WDPCP: variants seen among roughly 807,000 people sequenced by gnomAD.
WDPCP encodes WD repeat containing planar cell polarity effector.
A neutral mutation model predicts 93.1 loss-of-function variants in WDPCP; 71 were observed. The observed-to-expected ratio is 0.76, with a 90% confidence interval of 0.63 to 0.93. The LOEUF (loss-of-function observed/expected upper bound fraction) is 0.93. WDPCP is among the 40% of genes least tolerant of loss of function. The pLI is 0.00. For synonymous variants in WDPCP, 315 were observed against 315.0 expected, an observed-to-expected ratio of 1.00 and a Z score of 0.00; for missense variants, 844 against 887.4, an observed-to-expected ratio of 0.95 and a Z score of 0.62.
intron 2 of WDPCP, among the ~76,000 whole-genome samples, chr2:63,798,454 T>C (rs576330173): frequency 6.6e-6 from 1 of 152,234 alleles, no homozygotes; most frequent in African/African-American, 2.4e-5. Flanking sequence ...ATTAGTTTTC[T>C]TTTTGCTTGT....
Position 63,174,927 on chromosome 2 carries a change from A to G in WDPCP, c.1916-95T>C, listed in dbSNP as rs1673691613. 3 of 1,374,386 alleles carry G rather than the reference A, an allele frequency of 2.2e-6. No homozygotes were observed. The Admixed American group carries it at 5.2e-5, about 24-fold the overall frequency. 85.1% of individuals were successfully genotyped at this position (1,374,386 alleles called of 1,614,324 possible). On this transcript the variant is annotated intron_variant, in intron 14 of 17. Coordinates refer to ENST00000272321, the MANE Select transcript of WDPCP (RefSeq NM_015910.7). ...TTACAGAACAACATTCACATATCCC[A>G]GTGGAACTTTTTTCTTTGTCAATTT...
intron 1 of WDPCP, among the ~76,000 whole-genome samples, chr2:63,517,689 G>C (rs1050122301): frequency 6.6e-6 from 1 of 152,136 alleles, no homozygotes; most frequent in South Asian, 2.1e-4. Flanking sequence ...TTAATTTCTA[G>C]TTGTATTGCA....
chr2:63,194,480 T>C (rs1675274100), intron 14 of WDPCP, among the ~76,000 whole-genome samples: 1 of 152,110 alleles, frequency 6.6e-6, no homozygotes, highest in African/African-American at 2.4e-5. Flanking sequence ...ATATATATTG[T>C]TGACAGTTCT....
At chr2:63,790,983 G>T (rs1670535771) in intron 2 of WDPCP, among the ~76,000 whole-genome samples, 1 of 152,134 alleles carries the variant, frequency 6.6e-6, no homozygotes, top group Non-Finnish European at 1.5e-5. Context: ...AATTCAGGAA[G>T]AATTAAGTTA....
chr2:63,584,583 T>G (rs1322990373), intron 1 of WDPCP, among the ~76,000 whole-genome samples: 4 of 152,158 alleles, frequency 2.6e-5, no homozygotes, highest in African/African-American at 7.2e-5. Context: ...AATATATTTT[T>G]ACATTTTCCT....
At chr2:63,636,934 A>T (rs1709926531) in intron 3 of WDPCP, among the ~76,000 whole-genome samples, 2 of 152,256 alleles carry the variant, frequency 1.3e-5, no homozygotes, top group Non-Finnish European at 2.9e-5. Context: ...ATTGGATTTA[A>T]CATTTAAGTG....
chr2:63,567,860 G>C (rs1431977379), intron 1 of WDPCP, among the ~76,000 whole-genome samples: 1 of 152,104 alleles, frequency 6.6e-6, no homozygotes, highest in Non-Finnish European at 1.5e-5. Context: ...GCATCCAGTA[G>C]ATATTAAACT....
intron 14 of WDPCP, among the ~76,000 whole-genome samples, chr2:63,247,257 G>C (rs1226099178): frequency 6.6e-6 from 1 of 152,286 alleles, no homozygotes; most frequent in East Asian, 1.9e-4. Flanking sequence ...GAGGCAGAAA[G>C]CTTGCCATTG....
intron 2 of WDPCP, among the ~76,000 whole-genome samples, chr2:63,718,206 T>A (rs1045590034): frequency 8.5e-5 from 13 of 152,180 alleles, no homozygotes; most frequent in African/African-American, 1.2e-4. Context: ...TAAATATTGC[T>A]GCAATAAACA....
chr2:63,531,188 AGAAGCTTGAACTG>A (rs1489607215), intron 1 of WDPCP, among the ~76,000 whole-genome samples: 3 of 152,238 alleles, frequency 2.0e-5, no homozygotes, highest in African/African-American at 7.2e-5. Context: ...AAAGCAGCCC[AGAAGCTTGAACTG>A]GGTGGAACAC....
At chr2:63,294,593 G>C (rs1684706828) in intron 13 of WDPCP, among the ~76,000 whole-genome samples, 1 of 145,174 alleles carries the variant, frequency 6.9e-6, no homozygotes, top group Admixed American at 6.9e-5. Flanking sequence ...TCCTTCAAAA[G>C]TGAAGAAGAA....
chr2:63,172,313 C>T (rs1336457391), intron 15 of WDPCP, among the ~76,000 whole-genome samples: 1 of 152,174 alleles, frequency 6.6e-6, no homozygotes, highest in Non-Finnish European at 1.5e-5. Context: ...TGAGACCTGC[C>T]TGGGCAACAT....
intron 13 of WDPCP, among the ~76,000 whole-genome samples, chr2:63,272,194 A>G (rs185408069): frequency 6.6e-6 from 1 of 152,266 alleles, no homozygotes; most frequent in East Asian, 1.9e-4. Context: ...ACCTTTCACT[A>G]ACAACTGCAG....
intron 2 of WDPCP, among the ~76,000 whole-genome samples, chr2:63,763,875 G>A (rs949691610): frequency 6.6e-6 from 1 of 152,120 alleles, no homozygotes; most frequent in African/African-American, 2.4e-5. Flanking sequence ...GTGTTGGGGG[G>A]AGGGTCACAG....
intron 1 of WDPCP, among the ~76,000 whole-genome samples, chr2:63,525,723 C>T (rs563164450): frequency 1.2e-3 from 190 of 152,190 alleles, no homozygotes; most frequent in Non-Finnish European, 1.2e-3. Flanking sequence ...GGCTGACTGC[C>T]GTTATGTTAG....
chr2:63,490,932 G>A (rs113729416), intron 2 of WDPCP, among the ~76,000 whole-genome samples: 11 of 152,138 alleles, frequency 7.2e-5, no homozygotes, highest in Non-Finnish European at 2.9e-5. Context: ...ATAAAACCTA[G>A]TTATATGAGA....
chr2:63,267,119 A>G (rs1229074275), intron 13 of WDPCP, among the ~76,000 whole-genome samples: 1 of 152,234 alleles, frequency 6.6e-6, no homozygotes, highest in Non-Finnish European at 1.5e-5. Flanking sequence ...TAGTACTGGC[A>G]TAAAAACAGA....
chr2:63,235,526 C>G (rs938750969), intron 14 of WDPCP, among the ~76,000 whole-genome samples: 1 of 152,102 alleles, frequency 6.6e-6, no homozygotes, highest in African/African-American at 2.4e-5. Context: ...GATACCAACA[C>G]CTGGCAAAGA....
At chr2:63,649,287 A>T (rs1173019530) in intron 3 of WDPCP, among the ~76,000 whole-genome samples, 1 of 152,206 alleles carries the variant, frequency 6.6e-6, no homozygotes, top group African/African-American at 2.4e-5. Context: ...CATTTCATTT[A>T]AATGGAATCA....
Sources: gnomAD v4.1 joint callset for allele counts (sites outside exome capture counted in the v4.1 genomes callset) on GRCh38, gnomAD v4.1.1 for gene constraint, MANE v1.5 for transcripts, NCBI Gene and HGNC (gene_info 2026-07-23, HGNC 2026-07-21) for gene names.